Variants in BBS12 observed in about 807,000 individuals in gnomAD.
BBS12 encodes chaperonin-containing T-complex member BBS12.
A neutral mutation model predicts 5.6 loss-of-function variants in BBS12; 5 were observed. The observed-to-expected ratio is 0.89, with a 90% CI of 0.46 to 1.86. The LOEUF is 1.86. BBS12 is among the 40% of genes most tolerant of loss of function. BBS12 has a pLI of 0.01. For synonymous variants in BBS12, 308 were observed against 306.8 expected (o/e 1.00, Z -0.04); for missense variants, 748 against 830.4 (o/e 0.90, Z 1.22).
chr4:122,742,971 A>AGGG lies in BBS12; in HGVS notation c.1080_1082dup (p.Gly361dup). 1.2e-6 allele frequency: 2 copies of AGGG among 1,614,222 alleles called. No homozygotes were observed. The highest frequency in any genetic ancestry group is 1.7e-6 in the Non-Finnish European group (2 of 1,180,030). On this transcript the variant is annotated inframe_insertion, in exon 2 of 2. Transcript: ENST00000314218. ...CAGCCTGTGCGAATAGTTCTCATTG[A>AGGG]GGGTGACCTCACAGAGAATTACCGC...
rs2150736865 is a variant in BBS12 at position 122,742,983 on chromosome 4, CAG to C, written c.1095_1096del (p.Asn366LeufsTer7). 5 of 1,614,168 alleles carry C rather than the reference CAG, an allele frequency of 3.1e-6. No individual in the cohort carries two copies. The highest frequency in any genetic ancestry group is 3.4e-6 in the Non-Finnish European group (4 of 1,180,008). On this transcript the variant is annotated frameshift_variant, in exon 2 of 2. Transcript: ENST00000314218. LOFTEE classifies it low-confidence loss of function (END_TRUNC). ...ATAGTTCTCATTGAGGGTGACCTCACAGAGAATTACCGCCACCTGGGATTTAA... is the reference window on the plus strand; with the variant it reads ...ATAGTTCTCATTGAGGGTGACCTCACAGAATTACCGCCACCTGGGATTTAA...
At chr4:122,712,510 T>TA in the BBS12 span, among the ~76,000 whole-genome samples, 8 of 152,238 alleles carry the variant, frequency 5.3e-5, no homozygotes, top group Admixed American at 3.9e-4. Flanking sequence ...GGTTGAGCAA[T>TA]AACCAGTCTT....
At chr4:122,707,716 T>C in the BBS12 span, among the ~76,000 whole-genome samples, 2 of 152,114 alleles carry the variant, frequency 1.3e-5, no homozygotes, top group African/African-American at 4.8e-5. Context: ...TAGAGGTAGG[T>C]AGAGATGGGA....
upstream of BBS12, chr4:122,729,330 C>G (rs540299922): frequency 1.3e-5 from 2 of 152,360 alleles, no homozygotes; most frequent in East Asian, 3.9e-4. Context: ...GGCCCAAGGC[C>G]CACTCTCAAA....
the BBS12 span, among the ~76,000 whole-genome samples, chr4:122,723,388 T>A: frequency 7.3e-3 from 1,110 of 151,740 alleles, 21 homozygotes; most frequent in African/African-American, 0.025. Context: ...GAAAAGTGTT[T>A]ATTTTCAGAT....
chr4:122,719,042 A>G, the BBS12 span, among the ~76,000 whole-genome samples: 1 of 152,070 alleles, frequency 6.6e-6, no homozygotes, highest in Non-Finnish European at 1.5e-5. Flanking sequence ...GATGGTCTCG[A>G]TCTCCTGACC....
In BBS12 at chr4:122,743,442, A is replaced by G; in HGVS notation, c.1550A>G (p.Asp517Gly). 6.2e-7 allele frequency: 1 copy of G among 1,614,264 alleles called. No homozygotes were observed. The highest frequency in any genetic ancestry group is 8.5e-7 in the Non-Finnish European group (1 of 1,180,044). Reference sequence around the variant, plus strand: ...ACTGCACAGATGCAAATCAAAGAAGATAGGTTCTGGACATGTGCCTATCGT... The same window carrying G: ...ACTGCACAGATGCAAATCAAAGAAGGTAGGTTCTGGACATGTGCCTATCGT... Reference protein sequence around the residue: ...PVTAQMQIKEDRFWTCAYRLY... With the variant: ...PVTAQMQIKEGRFWTCAYRLY... The change falls in exon 2 of 2, where the codon GAT (aspartate) becomes GGT (glycine). Residue 517 changes from aspartate to glycine, a missense_variant. By Grantham distance (94) the Asp-to-Gly change is moderately conservative. Transcript: ENST00000314218.
the BBS12 span, among the ~76,000 whole-genome samples, chr4:122,701,495 T>C: frequency 2.6e-4 from 40 of 152,352 alleles, no homozygotes; most frequent in Non-Finnish European, 5.4e-4. Flanking sequence ...TCTGCATAGA[T>C]CTAGACATGC....
upstream of BBS12, chr4:122,729,546 TGGGCAA>T (rs1347808453): frequency 6.6e-6 from 1 of 152,244 alleles, no homozygotes; most frequent in Non-Finnish European, 1.5e-5. Context: ...TTCTTATCAA[TGGGCAA>T]CTGGGGAATT....
chr4:122,708,252 C>T, the BBS12 span, among the ~76,000 whole-genome samples: 1 of 152,098 alleles, frequency 6.6e-6, no homozygotes, highest in Non-Finnish European at 1.5e-5. Flanking sequence ...CTCAAGTGAT[C>T]CACCTGCCTC....
the BBS12 span, among the ~76,000 whole-genome samples, chr4:122,726,101 G>A: frequency 1.4e-4 from 22 of 152,152 alleles, no homozygotes; most frequent in South Asian, 2.1e-4. Flanking sequence ...AAGAGCTTCT[G>A]CACAGCAAAA....
chr4:122,727,078 C>A, the BBS12 span, among the ~76,000 whole-genome samples: 6 of 148,542 alleles, frequency 4.0e-5, no homozygotes, highest in African/African-American at 1.5e-4. Context: ...CCTGTTCCCC[C>A]AAAACCTATG....
Position 122,742,469 on chromosome 4 carries a change from C to A in BBS12, c.577C>A (p.Pro193Thr), listed in dbSNP as rs1246383248. Residue 193 changes from proline to threonine, a missense_variant, in exon 2 of 2, where the codon CCT (proline) becomes ACT (threonine). Coordinates refer to ENST00000314218, the MANE Select transcript of BBS12 (RefSeq NM_152618.3). ...GACCATTTCCAACCTTTCTGGGAGA[C>A]CTCTTAAATCATATGAATTATTTAA... ...TLTISNLSGR[P>T]LKSYELFKPQ... 4 of 1,614,078 alleles carry A rather than the reference C, an allele frequency of 2.5e-6. No individual in the cohort carries two copies. The highest frequency in any genetic ancestry group is 2.2e-5 in the East Asian group (1 of 44,880).
At chr4:122,730,864 C>T (rs1357903564), upstream of BBS12, 1 of 152,090 alleles carries the variant, frequency 6.6e-6, no homozygotes, top group African/African-American at 2.4e-5. Flanking sequence ...CTTAGCAAAC[C>T]TCTTGATACC....
chr4:122,718,973 C>G, the BBS12 span, among the ~76,000 whole-genome samples: 1 of 152,126 alleles, frequency 6.6e-6, no homozygotes, highest in Non-Finnish European at 1.5e-5. Flanking sequence ...GCGCCCACCA[C>G]CATGCCCGGC....
At position 122,743,687 on chromosome 4, in the gene BBS12, C is replaced by G. The variant is rs1186399702; in HGVS notation, c.1795C>G (p.Leu599Val). The change falls in exon 2 of 2, where the codon CTT becomes GTT. Residue 599 changes from leucine (L) to valine (V), a missense_variant. By Grantham distance (32) the Leu-to-Val change is conservative. Transcript: ENST00000314218. ...CCTGGCAAATGGATGGCAGAAATAC[C>G]TTTCAACTCTCCTATATAACACTGC... ...KFLANGWQKYLSTLLYNTANY... is the reference protein window; with the variant it reads ...KFLANGWQKYVSTLLYNTANY... 1.1e-5 allele frequency: 17 copies of G among 1,614,168 alleles called. No individual in the cohort carries two copies. Among genetic ancestry groups the G allele is most frequent in the Non-Finnish European group, 1.4e-5 (17 of 1,180,040 alleles).
rs142794675 is a variant in BBS12, at chr4:122,736,251, A to G, written c.-11+3367A>G. On this transcript the variant is annotated intron_variant, in intron 1 of 1. Coordinates refer to ENST00000314218, the MANE Select transcript of BBS12 (RefSeq NM_152618.3). ...CCTAGGAGTGAAAGGATATGAGTTC[A>G]TTTTTAAAAGGGACTCCTGTGTCAA... is the stretch of plus-strand genomic sequence containing the variant. Among the ~76,000 whole-genome samples the G allele has an allele frequency of 2.4e-4, 37 of 152,276 alleles. No individual in the cohort carries two copies. The East Asian group carries it at 7.1e-3, about 29-fold the overall frequency.
the BBS12 span, among the ~76,000 whole-genome samples, chr4:122,702,180 C>T: frequency 6.6e-6 from 1 of 152,280 alleles, no homozygotes; most frequent in South Asian, 2.1e-4. Context: ...TGAGCTCAGG[C>T]GATCCTCCTG....
intron 1 of BBS12, among the ~76,000 whole-genome samples, chr4:122,736,641 T>C (rs1387802571): frequency 6.6e-6 from 1 of 152,152 alleles, no homozygotes; most frequent in Non-Finnish European, 1.5e-5. Context: ...GTGGAAAACA[T>C]TGGTGCATAA....
Sources: gnomAD v4.1 joint callset for allele counts (sites outside exome capture counted in the v4.1 genomes callset) on GRCh38, gnomAD v4.1.1 for gene constraint, MANE v1.5 for transcripts, NCBI Gene and HGNC (gene_info 2026-07-23, HGNC 2026-07-21) for gene names.